The following SLC35D1 variants were observed in gnomAD, a reference collection of about 807,000 sequenced individuals.
SLC35D1 encodes the protein solute carrier family 35 member D1.
In SLC35D1, 31 loss-of-function variants were observed where a neutral mutation model predicts 46.7. That is an observed-to-expected ratio of 0.66 (90% CI 0.50 to 0.90). The LOEUF is 0.90. Among genes scored for constraint, SLC35D1 ranks in the 40% least tolerant of loss-of-function variants. The pLI is 0.00. For missense variants in SLC35D1, 397 were observed against 426.2 expected (o/e 0.93, Z 0.60); for synonymous variants, 195 against 164.6 (o/e 1.18, Z -1.41).
chr1:67,051,980 T>C (rs1421793179), intron 4 of SLC35D1, 32 bp downstream of exon 4: 1 of 1,378,720 alleles, frequency 7.3e-7, no homozygotes, highest in African/African-American at 1.4e-5. Context: ...TACATTATAT[T>C]AACCTCACTA....
chr1:67,054,052 C>G lies in SLC35D1; in HGVS notation c.-39G>C. On this transcript the variant is annotated 5_prime_UTR_variant, in exon 1 of 12. Coordinates refer to ENST00000235345, the MANE Select transcript of SLC35D1 (RefSeq NM_015139.3). The stretch of plus-strand genomic sequence containing the variant: ...GCGGTGGCCTGGCGGCGGGGCCTAG[C>G]GGCTCGGGGGCCTGCAGCGGCAGCT... 6.3e-7 allele frequency: 1 copy of G among 1,599,002 alleles called. No homozygotes were observed. The highest frequency in any genetic ancestry group is 8.5e-7 in the Non-Finnish European group (1 of 1,171,272).
At chr1:67,048,067 T>G (rs1051946569) in intron 6 of SLC35D1, among the ~76,000 whole-genome samples, 2 of 152,198 alleles carry the variant, frequency 1.3e-5, no homozygotes, top group African/African-American at 4.8e-5. Flanking sequence ...CTAGCTAAAA[T>G]AGTGGCTGCA....
the SLC35D1 span, chr1:66,976,792 AATT>A: frequency 3.9e-6 from 5 of 1,292,834 alleles, no homozygotes; most frequent in South Asian, 3.5e-5. Flanking sequence ...TTCTTGAGTT[AATT>A]ATTATTTTGA....
intron 11 of SLC35D1, 57 bp from the exon 12 acceptor site, chr1:67,004,505 A>T: frequency 6.8e-7 from 1 of 1,461,492 alleles, no homozygotes; most frequent in Non-Finnish European, 9.6e-7. Flanking sequence ...TAGTGTAAAC[A>T]CTCTACTCAG....
chr1:67,022,881 T>C (rs1438822012), intron 8 of SLC35D1, among the ~76,000 whole-genome samples: 1 of 152,208 alleles, frequency 6.6e-6, no homozygotes, highest in Non-Finnish European at 1.5e-5. Flanking sequence ...ATCTACTTTC[T>C]GTTACTATAA....
intron 11 of SLC35D1, among the ~76,000 whole-genome samples, chr1:67,005,510 T>C (rs1245966564): frequency 2.0e-5 from 3 of 152,168 alleles, no homozygotes; most frequent in African/African-American, 4.8e-5. Flanking sequence ...AAATAAAGCC[T>C]TTTCCAATTT....
the SLC35D1 span, among the ~76,000 whole-genome samples, chr1:66,983,990 C>T: frequency 0.077 from 11,657 of 152,270 alleles, 529 homozygotes; most frequent in African/African-American, 0.13. Flanking sequence ...TCCCAAAGTG[C>T]TGGGAATACA....
In SLC35D1 at chr1:67,020,419, A is replaced by C; in HGVS notation, c.826T>G (p.Cys276Gly). Residue 276 changes from cysteine to glycine, a missense_variant, in exon 10 of 12, where the codon TGC becomes GGC. By Grantham distance (159) the Cys-to-Gly change is radical. Transcript: ENST00000235345. ...GTAAGAGCAGAATTATACTGCGTGC[A>C]GAGTACTGTGGCGTACATTAAGATA... The part of the protein sequence containing the change: ...GFILMYATVL[C>G]TQYNSALTTT... The C allele has an allele frequency of 6.2e-7, 1 of 1,611,230 alleles. No homozygotes were observed. Among genetic ancestry groups the C allele is most frequent in the Non-Finnish European group, 8.5e-7 (1 of 1,177,452 alleles).
At chr1:67,018,465 A>G (rs1470240152) in intron 10 of SLC35D1, among the ~76,000 whole-genome samples, 1 of 152,210 alleles carries the variant, frequency 6.6e-6, no homozygotes, top group Non-Finnish European at 1.5e-5. Flanking sequence ...AAGAAAAGAC[A>G]CCAACGTCTT....
chr1:66,984,070 TAA>T, the SLC35D1 span, among the ~76,000 whole-genome samples: 1 of 152,228 alleles, frequency 6.6e-6, no homozygotes, highest in Non-Finnish European at 1.5e-5. Context: ...ACATTAAGAA[TAA>T]AAAAGTCATG....
chr1:67,042,433 C>T (rs1645200551), intron 7 of SLC35D1, 105 bp from the exon 8 acceptor site: 2 of 920,334 alleles, frequency 2.2e-6, no homozygotes, highest in South Asian at 1.3e-5. Context: ...AACACACACA[C>T]CCTCCCCTAC....
At chr1:66,980,775 A>G in the SLC35D1 span, among the ~76,000 whole-genome samples, 263 of 151,136 alleles carry the variant, frequency 1.7e-3, 2 homozygotes, top group African/African-American at 6.0e-3. Context: ...AAAATTCCTG[A>G]CCTTGGGGAA....
At chr1:66,985,742 T>G in the SLC35D1 span, 2 of 980,196 alleles carry the variant, frequency 2.0e-6, no homozygotes, top group Non-Finnish European at 2.4e-6. Flanking sequence ...CTAATGAATT[T>G]TTAAGTGTTT....
chr1:66,979,763 C>CTTT, the SLC35D1 span, among the ~76,000 whole-genome samples: 14 of 138,710 alleles, frequency 1.0e-4, no homozygotes, highest in Non-Finnish European at 4.7e-5. Flanking sequence ...TTTGCCTTGG[C>CTTT]TTTTTTTTTT....
the SLC35D1 span, among the ~76,000 whole-genome samples, chr1:66,993,980 T>C: frequency 6.6e-6 from 1 of 152,244 alleles, no homozygotes. Flanking sequence ...TTATGTTTTG[T>C]AAGTGAAAAT....
At chr1:67,025,813 T>A (rs1415763633) in intron 8 of SLC35D1, among the ~76,000 whole-genome samples, 1 of 152,212 alleles carries the variant, frequency 6.6e-6, no homozygotes, top group Non-Finnish European at 1.5e-5. Context: ...AATCTGAAGC[T>A]ATTATAAGTG....
At chr1:66,990,227 A>ATGTT in the SLC35D1 span, among the ~76,000 whole-genome samples, 1 of 152,144 alleles carries the variant, frequency 6.6e-6, no homozygotes. Flanking sequence ...TAGTAGACAA[A>ATGTT]TGTTTGCATT....
At position 67,022,563 on chromosome 1, in the gene SLC35D1, T is replaced by C. The variant is rs533307983; in HGVS notation, c.730-961A>G. ...GCCTCAGTACTCCTCTCTAGAGCTC[T>C]TGTCTCTTCGAACTGTAAATCTTTC... On this transcript the variant is annotated intron_variant, in intron 8 of 11. Transcript: ENST00000235345. 3.9e-5 allele frequency among the ~76,000 whole-genome samples: 6 copies of C among 152,308 alleles called. No homozygotes were observed. In the South Asian group the frequency reaches 1.0e-3, roughly 26 times the overall value.
intron 8 of SLC35D1, among the ~76,000 whole-genome samples, chr1:67,033,693 G>A (rs554170209): frequency 3.3e-5 from 5 of 152,226 alleles, no homozygotes; most frequent in South Asian, 2.1e-4. Context: ...TTAACTTGAT[G>A]TGATTCCCTC....
Sources: allele counts gnomAD v4.1 joint callset (sites outside exome capture counted in the v4.1 genomes callset), GRCh38; gene constraint gnomAD v4.1.1; transcripts MANE v1.5; gene names NCBI Gene and HGNC (gene_info 2026-07-23, HGNC 2026-07-21).